The following SYNE2 variants were observed in gnomAD, a reference collection of about 807,000 sequenced individuals.
SYNE2 encodes spectrin repeat containing nuclear envelope protein 2.
Under a neutral mutation model 856.3 loss-of-function variants are expected in SYNE2, and 431 were observed. The observed-to-expected ratio is 0.50, with a 90% CI of 0.47 to 0.55. The LOEUF (loss-of-function observed/expected upper bound fraction) is 0.55. SYNE2 is among the 20% of genes least tolerant of loss of function. SYNE2 has a pLI of 0.00. For missense variants in SYNE2, 8,129 were observed against 8,023.2 expected, an observed-to-expected ratio of 1.01 and a Z score of -0.50; for synonymous variants, 2,923 against 2,872.3, an observed-to-expected ratio of 1.02 and a Z score of -0.56.
chr14:63,906,459 T>A (rs1436583348), intron 1 of SYNE2, among the ~76,000 whole-genome samples: 1 of 151,990 alleles, frequency 6.6e-6, no homozygotes, highest in African/African-American at 2.4e-5. Flanking sequence ...TGGTAGGTTT[T>A]AAAAAAAATT....
intron 1 of SYNE2, among the ~76,000 whole-genome samples, chr14:63,846,954 C>G (rs1017905068): frequency 6.6e-6 from 1 of 151,406 alleles, no homozygotes; most frequent in Admixed American, 6.6e-5. Flanking sequence ...GTTTTTGTTA[C>G]TGATTTCTAG....
rs1269881868 is a variant in SYNE2, at chr14:64,173,563, C to G, written c.17236-1381C>G. On this transcript the variant is annotated intron_variant, in intron 94 of 115. Transcript: ENST00000555002. ...AAAAATGCCCACACTTTGTCTCCTT[C>G]AAGAAATTTCAAGGTGAAGGAAATA... Among the ~76,000 whole-genome samples, 6 of 152,216 alleles carry G rather than the reference C, an allele frequency of 3.9e-5. No homozygotes were observed. The East Asian group carries it at 1.2e-3, about 29-fold the overall frequency.
At chr14:63,939,459 G>A (rs557275186) in intron 2 of SYNE2, among the ~76,000 whole-genome samples, 23 of 149,410 alleles carry the variant, frequency 1.5e-4, no homozygotes, top group East Asian at 1.4e-3. Flanking sequence ...ATGATTCTCC[G>A]GCCTCAGCCT....
chr14:63,813,619 C>G (rs1888703474), intron 1 of SYNE2, among the ~76,000 whole-genome samples: 1 of 150,188 alleles, frequency 6.7e-6, no homozygotes, highest in Admixed American at 6.6e-5. Context: ...ATGGTGAAAC[C>G]CCATCTCTAC....
intron 112 of SYNE2, 127 bp from the exon 113 acceptor site, chr14:64,223,062 G>A: frequency 1.1e-6 from 1 of 890,566 alleles, no homozygotes; most frequent in South Asian, 1.4e-5. Flanking sequence ...GAGAAATAGA[G>A]GATTCTCGAG....
At chr14:63,895,976 A>C (rs931165160) in intron 1 of SYNE2, among the ~76,000 whole-genome samples, 1 of 152,148 alleles carries the variant, frequency 6.6e-6, no homozygotes, top group African/African-American at 2.4e-5. Context: ...GAGAAACATA[A>C]AATTCTATAG....
chr14:63,873,499 G>C (rs1020811005), intron 1 of SYNE2: 1 of 152,076 alleles, frequency 6.6e-6, no homozygotes, highest in South Asian at 2.1e-4. Context: ...GGGTTCAAGC[G>C]ATTCTTTTGC....
intron 54 of SYNE2, 127 bp from the exon 55 acceptor site, chr14:64,078,339 T>G: frequency 1.8e-6 from 2 of 1,108,820 alleles, no homozygotes; most frequent in South Asian, 2.7e-5. Context: ...TTGCCAGAAT[T>G]TCTTCCCCCA....
chr14:63,883,259 A>T (rs745781065), intron 1 of SYNE2, among the ~76,000 whole-genome samples: 4 of 152,124 alleles, frequency 2.6e-5, no homozygotes, highest in Non-Finnish European at 5.9e-5. Flanking sequence ...TGGTTTTGCC[A>T]TGTTGACCAG....
At chr14:63,766,988 A>G (rs1161440279) in intron 1 of SYNE2, among the ~76,000 whole-genome samples, 1 of 152,212 alleles carries the variant, frequency 6.6e-6, no homozygotes, top group Non-Finnish European at 1.5e-5. Flanking sequence ...TTTAGAGTCT[A>G]AATTAAATAC....
chr14:63,771,070 T>C (rs1886883190), intron 1 of SYNE2, among the ~76,000 whole-genome samples: 1 of 145,518 alleles, frequency 6.9e-6, no homozygotes, highest in Admixed American at 6.8e-5. Flanking sequence ...TACACTCTTT[T>C]TTTTTTTTTT....
intron 109 of SYNE2, among the ~76,000 whole-genome samples, 154 bp downstream of exon 109, chr14:64,218,666 T>C (rs988022292): frequency 6.6e-6 from 1 of 152,240 alleles, no homozygotes; most frequent in African/African-American, 2.4e-5. Context: ...AAATCAGCGA[T>C]TGGCATTCAC....
chr14:64,080,500 G>C lies in SYNE2; in HGVS notation c.11208G>C (p.Glu3736Asp). The part of the protein sequence containing the change: ...ELDLWHSKLN[E>D]LDSEVQDIVE... The stretch of plus-strand genomic sequence containing the variant: ...ATCTATGGCATTCCAAACTAAATGA[G>C]CTGGATTCTGAAGTTCAGGACATTG... The change falls in exon 56 of 116, where the codon GAG (glutamate) becomes GAC (aspartate). Residue 3736 changes from glutamate (E) to aspartate (D), a missense_variant. Physicochemically the swap from Glu to Asp is conservative, Grantham distance 45 (BLOSUM62 2). This residue lies in a region of SYNE2 where 5,410 missense variants were observed against 5,284.8 expected (regional missense o/e 1.02). Coordinates refer to ENST00000555002, the MANE Select transcript of SYNE2 (RefSeq NM_182914.3). 1 of 1,614,158 alleles carries C rather than the reference G, an allele frequency of 6.2e-7. No individual in the cohort carries two copies. Among genetic ancestry groups the C allele is most frequent in the Non-Finnish European group, 8.5e-7 (1 of 1,180,036 alleles).
intron 109 of SYNE2, among the ~76,000 whole-genome samples, chr14:64,218,919 G>A (rs2098679258): frequency 6.6e-6 from 1 of 152,120 alleles, no homozygotes; most frequent in African/African-American, 2.4e-5. Context: ...GACCAAAGGA[G>A]AAAACTGAAA....
intron 60 of SYNE2, among the ~76,000 whole-genome samples, chr14:64,091,313 T>C (rs2097611582): frequency 6.6e-6 from 1 of 152,066 alleles, no homozygotes. Flanking sequence ...GGGAAGAGAG[T>C]CAAACCTGAA....
At chr14:64,055,803 C>T in intron 48 of SYNE2, 141 bp from the exon 49 acceptor site, 1 of 587,780 alleles carries the variant, frequency 1.7e-6, no homozygotes, top group East Asian at 2.9e-5. Flanking sequence ...ACATTGTGCA[C>T]ATGTACCCTA....
Position 63,906,396 on chromosome 14 carries a change from C to A in SYNE2, c.-51-2702C>A, listed in dbSNP as rs186012136. The stretch of plus-strand genomic sequence containing the variant: ...TAGGATTTGTACCAGTTCCTCTTTA[C>A]ACTTCTGGTAGAATTCAGCTGTGAA... On this transcript the variant is annotated intron_variant, in intron 1 of 115. Transcript: ENST00000555002. Among the ~76,000 whole-genome samples the A allele has an allele frequency of 2.6e-5, 4 of 152,210 alleles. No homozygotes were observed. In the East Asian group the frequency reaches 7.7e-4, roughly 29 times the overall value.
intron 1 of SYNE2, among the ~76,000 whole-genome samples, chr14:63,897,754 T>C (rs1180263863): frequency 1.3e-5 from 2 of 152,182 alleles, no homozygotes; most frequent in African/African-American, 4.8e-5. Context: ...GTTCCAAGCA[T>C]TGTTTATTCC....
chr14:64,144,903 T>C (rs897924061), intron 83 of SYNE2, among the ~76,000 whole-genome samples: 1 of 151,668 alleles, frequency 6.6e-6, no homozygotes, highest in East Asian at 1.9e-4. Context: ...CTGTATTAAT[T>C]TGATGAAACA....
Sources: allele counts gnomAD v4.1 joint callset (sites outside exome capture counted in the v4.1 genomes callset), GRCh38; gene constraint gnomAD v4.1.1; regional missense constraint gnomAD v4.1.1; transcripts MANE v1.5; gene names NCBI Gene and HGNC (gene_info 2026-07-23, HGNC 2026-07-21).